The following SERINC5 variants were observed in gnomAD, a reference collection of about 807,000 sequenced individuals.
SERINC5 encodes the protein serine incorporator 5.
Under a neutral mutation model 63.1 loss-of-function variants are expected in SERINC5, and 41 were observed. The observed-to-expected ratio is 0.65, with a 90% CI of 0.51 to 0.84. The LOEUF is 0.84. Ranked by LOEUF, SERINC5 falls within the 40% of genes least tolerant of loss-of-function variation. The pLI is 0.00. For synonymous variants in SERINC5, 222 were observed against 215.2 expected, an observed-to-expected ratio of 1.03 and a Z score of -0.28; for missense variants, 523 against 573.0, an observed-to-expected ratio of 0.91 and a Z score of 0.89.
chr5:80,204,549 G>A (rs1750054863), intron 1 of SERINC5, among the ~76,000 whole-genome samples: 1 of 152,170 alleles, frequency 6.6e-6, no homozygotes, highest in Admixed American at 6.5e-5. Context: ...GCTTTCATCG[G>A]AATTGTTCTG....
intron 2 of SERINC5, among the ~76,000 whole-genome samples, chr5:80,179,812 TC>T (rs1748300304): frequency 6.6e-6 from 1 of 152,258 alleles, no homozygotes; most frequent in African/African-American, 2.4e-5. Context: ...TTAGGAATAT[TC>T]AACCAGTATC....
intron 11 of SERINC5, among the ~76,000 whole-genome samples, chr5:80,144,326 A>T (rs1431252966): frequency 6.6e-6 from 1 of 152,164 alleles, no homozygotes; most frequent in Non-Finnish European, 1.5e-5. Context: ...CCGCTGTGTA[A>T]GTTTTGTGGA....
At chr5:80,152,443 A>C (rs2112325053) in intron 8 of SERINC5, among the ~76,000 whole-genome samples, 1 of 151,428 alleles carries the variant, frequency 6.6e-6, no homozygotes, top group East Asian at 2.0e-4. Flanking sequence ...TGTAGTGAGC[A>C]TGATCACACC....
intron 11 of SERINC5, chr5:80,116,415 A>G (rs10474607): frequency 0.17 from 72,964 of 440,166 alleles, 7,072 homozygotes; most frequent in Admixed American, 0.24. Context: ...CCAGATCACT[A>G]TGAACCTTAT....
Position 80,143,269 on chromosome 5 carries a change from G to A in SERINC5, c.*394C>T. The A allele has an allele frequency of 2.0e-6, 2 of 1,003,230 alleles. No individual in the cohort carries two copies. The highest frequency in any genetic ancestry group is 2.4e-6 in the Non-Finnish European group (2 of 840,798). 62.1% of individuals were successfully genotyped at this position (1,003,230 alleles called of 1,614,324 possible). Reference sequence around the variant, plus strand: ...GGTCTGGATTCTGTTAGGCGCTGGGGACTCAAGATTTTGGCATGTTTTTCT... The same window carrying A: ...GGTCTGGATTCTGTTAGGCGCTGGGAACTCAAGATTTTGGCATGTTTTTCT... On this transcript the variant is annotated 3_prime_UTR_variant, in exon 12 of 12. Coordinates refer to ENST00000507668, the MANE Select transcript of SERINC5 (RefSeq NM_001174072.3).
chr5:80,166,911 C>G (rs906898566), intron 6 of SERINC5: 1 of 180,156 alleles, frequency 5.6e-6, no homozygotes, highest in African/African-American at 2.4e-5. Flanking sequence ...CTGGATTCTA[C>G]AAGGTCATCA....
Position 80,143,539 on chromosome 5 carries a change from C to G in SERINC5, c.*124G>C. 7.6e-7 allele frequency: 1 copy of G among 1,307,410 alleles called. No homozygotes were observed. The highest frequency in any genetic ancestry group is 3.5e-5 in the Admixed American group (1 of 28,250). The allele number at this position is 1,307,410 out of a possible 1,614,324, so 81.0% of individuals were successfully genotyped here. ...AGCTAATCAGGAGATTTTTTTTTTT[C>G]TCTCTCAAAGCTTTTTCAGACCCAC... On this transcript the variant is annotated 3_prime_UTR_variant, in exon 12 of 12. Coordinates refer to ENST00000507668, the MANE Select transcript of SERINC5 (RefSeq NM_001174072.3).
In SERINC5 at chr5:80,251,254, G is replaced by C. The variant is rs528880783; in HGVS notation, c.27+4642C>G. The stretch of plus-strand genomic sequence containing the variant: ...TGATTGAGCCACTGCAATCCAGCCT[G>C]GGCAAGAGCTAGATCCCATCTTTAA... On this transcript the variant is annotated intron_variant, in intron 1 of 11. Transcript: ENST00000507668. Among the ~76,000 whole-genome samples the C allele has an allele frequency of 5.9e-5, 9 of 151,720 alleles. No homozygotes were observed. The East Asian group carries it at 1.8e-3, about 30-fold the overall frequency.
chr5:80,160,453 A>G (rs1016818307), intron 7 of SERINC5, among the ~76,000 whole-genome samples: 5 of 152,212 alleles, frequency 3.3e-5, no homozygotes, highest in African/African-American at 1.2e-4. Context: ...TCTAGAAACC[A>G]CTTTACAAAC....
chr5:80,209,494 C>A (rs2112509213), intron 1 of SERINC5, among the ~76,000 whole-genome samples: 1 of 152,274 alleles, frequency 6.6e-6, no homozygotes, highest in Admixed American at 6.5e-5. Flanking sequence ...TTGGGTAAGC[C>A]ACCCAGTCAG....
At chr5:80,234,342 C>G (rs377339751) in intron 1 of SERINC5, among the ~76,000 whole-genome samples, 1 of 152,166 alleles carries the variant, frequency 6.6e-6, no homozygotes, top group African/African-American at 2.4e-5. Flanking sequence ...CACCTCACTA[C>G]ACTTAAGAAA....
intron 2 of SERINC5, among the ~76,000 whole-genome samples, chr5:80,200,344 G>C (rs1407568754): frequency 6.8e-6 from 1 of 146,332 alleles, no homozygotes; most frequent in Non-Finnish European, 1.5e-5. Context: ...AAATTAGCCA[G>C]GCGTGGTGGC....
intron 11 of SERINC5, among the ~76,000 whole-genome samples, chr5:80,124,741 G>A (rs778863329): frequency 6.6e-6 from 1 of 152,178 alleles, no homozygotes; most frequent in Non-Finnish European, 1.5e-5. Flanking sequence ...GTCACCTGCA[G>A]AGAGGCAACT....
intron 1 of SERINC5, among the ~76,000 whole-genome samples, chr5:80,223,409 T>A (rs1201027422): frequency 6.6e-6 from 1 of 152,248 alleles, no homozygotes; most frequent in Non-Finnish European, 1.5e-5. Flanking sequence ...CTATATTTTT[T>A]AATTTGTATT....
chr5:80,254,305 CCA>C (rs1436501429), intron 1 of SERINC5, among the ~76,000 whole-genome samples: 2 of 152,206 alleles, frequency 1.3e-5, no homozygotes, highest in African/African-American at 4.8e-5. Context: ...CTGAGGCCCA[CCA>C]CAGTGATGCC....
chr5:80,153,932 C>A (rs893604676), intron 8 of SERINC5, among the ~76,000 whole-genome samples: 1 of 152,206 alleles, frequency 6.6e-6, no homozygotes, highest in African/African-American at 2.4e-5. Flanking sequence ...ACTGCAGATG[C>A]TTTTGAAGCT....
At chr5:80,203,440 G>A (rs1253331267) in intron 1 of SERINC5, among the ~76,000 whole-genome samples, 4 of 151,532 alleles carry the variant, frequency 2.6e-5, no homozygotes. Context: ...GGGAGATCAA[G>A]GTAAGAAGAT....
chr5:80,251,404 G>A (rs1199171330), intron 1 of SERINC5, among the ~76,000 whole-genome samples: 1 of 152,122 alleles, frequency 6.6e-6, no homozygotes, highest in Non-Finnish European at 1.5e-5. Flanking sequence ...CTGGGCCTGG[G>A]CATTCCTGCC....
At chr5:80,219,494 A>G (rs1186293385) in intron 1 of SERINC5, among the ~76,000 whole-genome samples, 3 of 152,034 alleles carry the variant, frequency 2.0e-5, no homozygotes, top group Non-Finnish European at 4.4e-5. Context: ...CTTTCCCCCA[A>G]ACAAATAGCC....
Sources: allele counts gnomAD v4.1 joint callset (sites outside exome capture counted in the v4.1 genomes callset), GRCh38; gene constraint gnomAD v4.1.1; transcripts MANE v1.5; gene names NCBI Gene and HGNC (gene_info 2026-07-23, HGNC 2026-07-21).